The following TENM3 variants were observed in gnomAD, a reference collection of about 807,000 sequenced individuals.
TENM3 encodes teneurin-3.
A neutral mutation model predicts 255.1 loss-of-function variants in TENM3; 63 were observed. The ratio of observed to expected loss-of-function variants is 0.25; its 90% CI spans 0.20 to 0.30. The LOEUF (loss-of-function observed/expected upper bound fraction) is 0.30. TENM3 is among the 10% of genes least tolerant of loss of function. The pLI, the probability that TENM3 is intolerant of heterozygous loss-of-function variation, is 1.00. For missense variants in TENM3, 2,929 were observed against 3,461.1 expected (o/e 0.85, Z 3.86); for synonymous variants, 1,306 against 1,322.3 (o/e 0.99, Z 0.27).
rs760857895 is a variant in TENM3, at chr4:182,789,010, C to T, written c.5305-83C>T. ...TTTACTGACAAAGAGAATCAATCAT[C>T]GTAAATGGTGTTTAAACAATACTGG... On this transcript the variant is annotated intron_variant, in intron 24 of 27. Coordinates refer to ENST00000511685, the MANE Select transcript of TENM3 (RefSeq NM_001080477.4). The surrounding 1 kb of genome is among the most constrained non-coding windows in gnomAD (Gnocchi z 4.4). The T allele has an allele frequency of 9.0e-6, 11 of 1,223,704 alleles. No homozygotes were observed. The highest frequency in any genetic ancestry group is 1.5e-5 in the African/African-American group (1 of 65,782). The allele number at this position is 1,223,704 out of a possible 1,614,324, so 75.8% of individuals were successfully genotyped here. A position where few individuals can be genotyped will look rare whatever the true frequency, so the allele number is the denominator to read the frequency against.
intron 24 of TENM3, among the ~76,000 whole-genome samples, chr4:182,778,785 A>G (rs918408549): frequency 6.6e-6 from 1 of 152,324 alleles, no homozygotes; most frequent in African/African-American, 2.4e-5. Context: ...AAGGAAGTAT[A>G]CATCACAAAG....
intron 3 of TENM3, among the ~76,000 whole-genome samples, chr4:182,423,012 T>C (rs2151147412): frequency 6.6e-6 from 1 of 152,278 alleles, no homozygotes; most frequent in South Asian, 2.1e-4. Context: ...CTGGACTCCG[T>C]TTCTGAACTC....
the TENM3 span, among the ~76,000 whole-genome samples, chr4:181,959,309 C>G: frequency 3.9e-5 from 6 of 152,122 alleles, no homozygotes; most frequent in Non-Finnish European, 5.9e-5. Flanking sequence ...TATCTGTTGA[C>G]TGCCCGTCTC....
At chr4:182,657,994 G>T (rs1753896078) in intron 6 of TENM3, among the ~76,000 whole-genome samples, 1 of 152,128 alleles carries the variant, frequency 6.6e-6, no homozygotes, top group Non-Finnish European at 1.5e-5. Flanking sequence ...TAGTCACTTT[G>T]ATCACTTCTC....
upstream of TENM3, among the ~76,000 whole-genome samples, chr4:182,139,777 C>T (rs4515200): frequency 0.42 from 63,678 of 152,080 alleles, 13,575 homozygotes; most frequent in Non-Finnish European, 0.45. Flanking sequence ...AAGGGAGCCC[C>T]TGGGTGGTGC....
the TENM3 span, among the ~76,000 whole-genome samples, chr4:182,008,363 G>A: frequency 6.6e-6 from 1 of 151,934 alleles, no homozygotes; most frequent in East Asian, 1.9e-4. Context: ...ATCTCCTTCT[G>A]GTACTCCAAT....
chr4:182,484,136 A>G (rs10461308), intron 3 of TENM3, among the ~76,000 whole-genome samples: 105,500 of 152,052 alleles, frequency 0.69, 38,562 homozygotes, highest in East Asian at 0.92. Context: ...TGATGATAGC[A>G]GCAAACATCA....
At chr4:181,696,870 T>C in the TENM3 span, among the ~76,000 whole-genome samples, 2 of 152,074 alleles carry the variant, frequency 1.3e-5, no homozygotes, top group East Asian at 1.9e-4. Context: ...CCCACAAAGG[T>C]ATAGACAAAA....
At chr4:182,680,121 T>C (rs1051429382) in intron 8 of TENM3, 127 bp from the exon 9 acceptor site, 7 of 772,362 alleles carry the variant, frequency 9.1e-6, no homozygotes, top group Admixed American at 2.3e-5. Context: ...AAAATCTGCA[T>C]TTGAAGTGAC....
chr4:181,607,100 C>A, the TENM3 span, among the ~76,000 whole-genome samples: 2 of 152,168 alleles, frequency 1.3e-5, no homozygotes, highest in South Asian at 2.1e-4. Flanking sequence ...ATGGAAAGGG[C>A]CTGCTCTCAG....
the TENM3 span, among the ~76,000 whole-genome samples, chr4:181,564,295 C>T: frequency 0.12 from 18,086 of 151,968 alleles, 1,185 homozygotes; most frequent in South Asian, 0.2. Flanking sequence ...ATAGTATTAG[C>T]GACACACATA....
At chr4:182,414,916 T>G (rs1369787884) in intron 3 of TENM3, among the ~76,000 whole-genome samples, 1 of 152,206 alleles carries the variant, frequency 6.6e-6, no homozygotes, top group African/African-American at 2.4e-5. Flanking sequence ...ATTTTGAATC[T>G]TCTATGACTG....
the TENM3 span, among the ~76,000 whole-genome samples, chr4:181,899,520 TTTGTTTTG>T: frequency 5.9e-5 from 9 of 152,020 alleles, no homozygotes; most frequent in Admixed American, 2.0e-4. Context: ...TTTTCTTTTA[TTTGTTTTG>T]TTGTTTTGTT....
the TENM3 span, among the ~76,000 whole-genome samples, chr4:181,950,285 C>G: frequency 6.6e-6 from 1 of 151,964 alleles, no homozygotes; most frequent in Non-Finnish European, 1.5e-5. Flanking sequence ...CCAAATCCTA[C>G]AAAATGGCCC....
At chr4:181,822,005 A>G in the TENM3 span, among the ~76,000 whole-genome samples, 1 of 152,196 alleles carries the variant, frequency 6.6e-6, no homozygotes, top group Non-Finnish European at 1.5e-5. Context: ...TATACATTGC[A>G]TTATATAATG....
the TENM3 span, among the ~76,000 whole-genome samples, chr4:182,024,530 C>A: frequency 6.6e-6 from 1 of 152,052 alleles, no homozygotes; most frequent in South Asian, 2.1e-4. Flanking sequence ...AACAAGGTAG[C>A]TGAATCTTTT....
chr4:182,655,645 G>A (rs187706545), intron 6 of TENM3, among the ~76,000 whole-genome samples: 347 of 152,306 alleles, frequency 2.3e-3, no homozygotes, highest in African/African-American at 7.8e-3. Flanking sequence ...TTTTAGGGCA[G>A]CTGTGGAATG....
the TENM3 span, among the ~76,000 whole-genome samples, chr4:181,687,830 C>T: frequency 6.6e-6 from 1 of 152,128 alleles, no homozygotes; most frequent in Non-Finnish European, 1.5e-5. Context: ...CTAACTGCTC[C>T]AAGACCTCTA....
chr4:181,602,050 G>A, the TENM3 span, among the ~76,000 whole-genome samples: 1 of 151,998 alleles, frequency 6.6e-6, no homozygotes, highest in African/African-American at 2.4e-5. Flanking sequence ...TCCAAATTAG[G>A]TTATATTTTT....
Sources: allele counts gnomAD v4.1 joint callset (sites outside exome capture counted in the v4.1 genomes callset), GRCh38; gene constraint gnomAD v4.1.1; non-coding constraint Gnocchi (gnomAD v3.1); transcripts MANE v1.5; gene names NCBI Gene and HGNC (gene_info 2026-07-23, HGNC 2026-07-21).